CDH17: variants seen among roughly 807,000 people sequenced by gnomAD.
The protein encoded by CDH17 is cadherin 17.
CDH17 carries 67 observed loss-of-function variants against 86.3 expected under a neutral mutation model. The ratio of observed to expected loss-of-function variants is 0.78; its 90% CI spans 0.64 to 0.95. The LOEUF is 0.95. Ranked by LOEUF, CDH17 falls within the 40% of genes least tolerant of loss-of-function variation. CDH17 has a pLI of 0.00. For synonymous variants in CDH17, 367 were observed against 366.4 expected, an observed-to-expected ratio of 1.00 and a Z score of -0.02; for missense variants, 993 against 1,017.6, an observed-to-expected ratio of 0.98 and a Z score of 0.33.
intron 15 of CDH17, among the ~76,000 whole-genome samples, chr8:94,136,806 T>C (rs1812538737): frequency 6.6e-6 from 1 of 152,234 alleles, no homozygotes; most frequent in Admixed American, 6.5e-5. Context: ...AGTTGGGGTT[T>C]TGGTGTAGAT....
At chr8:94,163,376 C>A (rs1436170142) in intron 10 of CDH17, among the ~76,000 whole-genome samples, 2 of 152,240 alleles carry the variant, frequency 1.3e-5, no homozygotes, top group African/African-American at 2.4e-5. Flanking sequence ...TACATCCTCA[C>A]CCTGAGGGTA....
intron 9 of CDH17, among the ~76,000 whole-genome samples, chr8:94,166,247 G>A (rs569614891): frequency 6.4e-4 from 97 of 152,286 alleles, no homozygotes; most frequent in Non-Finnish European, 1.1e-3. Context: ...TGCAATCAAG[G>A]TGTTGCTGGG....
intron 15 of CDH17, among the ~76,000 whole-genome samples, chr8:94,135,883 T>G (rs1812513686): frequency 1.3e-5 from 2 of 152,198 alleles, no homozygotes; most frequent in Admixed American, 6.5e-5. Flanking sequence ...TGCTTGTCTG[T>G]AAAGGATTTT....
Position 94,128,995 on chromosome 8 carries a change from A to T in CDH17, c.2399-655T>A, listed in dbSNP as rs544522611. On this transcript the variant is annotated intron_variant, in intron 17 of 17. Coordinates refer to ENST00000027335, the MANE Select transcript of CDH17 (RefSeq NM_004063.4). ...TATGAAGAAGGAGTTGTTTTAAGGAAATTAACCTGCTAGTAAGTTTATAGG... is the reference window on the plus strand; with the variant it reads ...TATGAAGAAGGAGTTGTTTTAAGGATATTAACCTGCTAGTAAGTTTATAGG... 3.9e-5 allele frequency among the ~76,000 whole-genome samples: 6 copies of T among 152,310 alleles called. No homozygotes were observed. In the East Asian group the frequency reaches 1.2e-3, roughly 29 times the overall value.
rs139170804 is a variant in CDH17 at position 94,130,936 on chromosome 8, C to T, written c.2224G>A (p.Val742Ile). Residue 742 changes from valine to isoleucine, a missense_variant, in exon 16 of 18, where the codon GTC becomes ATC. Transcript: ENST00000027335. ...CCCCCATCATTGATGCGGATCAAGA[C>T]GACATACTCCCTCTCCTCAAACTCT... ...HTEFEEREYV[V>I]LIRINDGGRP... 278 of 1,611,828 alleles carry T rather than the reference C, an allele frequency of 1.7e-4. 2 individuals are homozygous for T. The East Asian group carries it at 2.5e-3, about 14-fold the overall frequency.
intron 10 of CDH17, among the ~76,000 whole-genome samples, chr8:94,162,729 A>T (rs1813079379): frequency 6.6e-6 from 1 of 152,224 alleles, no homozygotes; most frequent in South Asian, 2.1e-4. Context: ...AGGTGGGGAC[A>T]GAGGTAGCTC....
intron 3 of CDH17, among the ~76,000 whole-genome samples, chr8:94,181,371 C>T (rs1381587326): frequency 6.6e-6 from 1 of 152,138 alleles, no homozygotes; most frequent in Non-Finnish European, 1.5e-5. Context: ...AAGCCAGTCA[C>T]ATGGAACATT....
In CDH17 at chr8:94,146,266, T is replaced by C. The variant is rs1586239639; in HGVS notation, c.1928-99A>G. 8.1e-6 allele frequency: 9 copies of C among 1,115,046 alleles called. No homozygotes were observed. In the East Asian group the frequency reaches 2.5e-4, roughly 31 times the overall value. 69.1% of individuals were successfully genotyped at this position (1,115,046 alleles called of 1,614,324 possible). A position where few individuals can be genotyped will look rare whatever the true frequency, so the allele number is the denominator to read the frequency against. ...TTAAAATTCAAGGAGTTAGGTACACTGAGATGCTAGAAAGACGACAAGCTT... is the reference window on the plus strand; with the variant it reads ...TTAAAATTCAAGGAGTTAGGTACACCGAGATGCTAGAAAGACGACAAGCTT... On this transcript the variant is annotated intron_variant, in intron 14 of 17. Transcript: ENST00000027335.
intron 1 of CDH17, among the ~76,000 whole-genome samples, chr8:94,215,483 T>TG (rs377266114): frequency 6.6e-6 from 1 of 152,066 alleles, no homozygotes. Context: ...TGCCTGCAGT[T>TG]GGGGGGCAGA....
At chr8:94,173,430 C>T (rs2130640687) in intron 7 of CDH17, among the ~76,000 whole-genome samples, 1 of 152,262 alleles carries the variant, frequency 6.6e-6, no homozygotes, top group East Asian at 1.9e-4. Flanking sequence ...TGCTCCTGCT[C>T]CCCCTTTGCC....
At chr8:94,205,601 C>G (rs1226114320) in intron 1 of CDH17, among the ~76,000 whole-genome samples, 1 of 152,044 alleles carries the variant, frequency 6.6e-6, no homozygotes, top group Non-Finnish European at 1.5e-5. Context: ...TAAATCGTAA[C>G]TGACAACTGG....
intron 1 of CDH17, among the ~76,000 whole-genome samples, chr8:94,197,504 C>T (rs1813807219): frequency 6.6e-6 from 1 of 152,096 alleles, no homozygotes; most frequent in Non-Finnish European, 1.5e-5. Flanking sequence ...TTAGTCTCCT[C>T]ACATGGAAAA....
chr8:94,143,292 G>C (rs1322753569), intron 15 of CDH17, among the ~76,000 whole-genome samples: 1 of 152,054 alleles, frequency 6.6e-6, no homozygotes, highest in Non-Finnish European at 1.5e-5. Context: ...ATCTTTTTTG[G>C]GGGACAGTAG....
Position 94,145,991 on chromosome 8 carries a change from G to A in CDH17, c.2104C>T (p.His702Tyr). The A allele has an allele frequency of 6.2e-7, 1 of 1,613,754 alleles. No individual in the cohort carries two copies. Among genetic ancestry groups the A allele is most frequent in the Non-Finnish European group, 8.5e-7 (1 of 1,179,854 alleles). The part of the protein sequence containing the change: ...DDDQHLFRGP[H>Y]FTFSLGSGSL... ...CCACTGCCGAGGGAAAATGTAAAATGGGGACCCCGAAATAAGTGCTGATCA... is the reference window on the plus strand; with the variant it reads ...CCACTGCCGAGGGAAAATGTAAAATAGGGACCCCGAAATAAGTGCTGATCA... The change falls in exon 15 of 18, where the codon CAT (histidine) becomes TAT (tyrosine). Residue 702 changes from histidine (H) to tyrosine (Y), a missense_variant. Physicochemically the swap from His to Tyr is moderately conservative, Grantham distance 83 (BLOSUM62 2). Transcript: ENST00000027335.
chr8:94,172,567 C>T (rs1378174896), intron 7 of CDH17, among the ~76,000 whole-genome samples: 1 of 152,090 alleles, frequency 6.6e-6, no homozygotes, highest in Non-Finnish European at 1.5e-5. Context: ...AGTATTATCC[C>T]TATTTTATTG....
At chr8:94,209,947 A>T (rs149763481), upstream of CDH17, among the ~76,000 whole-genome samples, 4 of 152,046 alleles carry the variant, frequency 2.6e-5, no homozygotes, top group African/African-American at 7.2e-5. Flanking sequence ...AATAAAGTGC[A>T]TATGTATCAT....
chr8:94,208,767 C>T (rs1814077279), upstream of CDH17, among the ~76,000 whole-genome samples: 2 of 152,290 alleles, frequency 1.3e-5, no homozygotes, highest in South Asian at 2.1e-4. Context: ...AAACAGGTTG[C>T]TACATTTTTC....
chr8:94,194,482 G>A (rs1813742943), intron 2 of CDH17, among the ~76,000 whole-genome samples, 153 bp downstream of exon 2: 1 of 152,166 alleles, frequency 6.6e-6, no homozygotes, highest in Non-Finnish European at 1.5e-5. Context: ...ATATCACAGT[G>A]GAACAAGCTA....
intron 9 of CDH17, among the ~76,000 whole-genome samples, chr8:94,168,140 A>ACACATG (rs1563576906): frequency 2.0e-5 from 1 of 50,654 alleles, no homozygotes; most frequent in African/African-American, 6.7e-5. Flanking sequence ...ATATATATAT[A>ACACATG]TATATATATA....
Sources: gnomAD v4.1 joint callset for allele counts (sites outside exome capture counted in the v4.1 genomes callset) on GRCh38, gnomAD v4.1.1 for gene constraint, MANE v1.5 for transcripts, NCBI Gene and HGNC (gene_info 2026-07-23, HGNC 2026-07-21) for gene names.